Variants in USP47 observed in about 807,000 individuals in gnomAD.
USP47 encodes ubiquitin specific peptidase 47.
Under a neutral mutation model 165.1 loss-of-function variants are expected in USP47, and 35 were observed. That is an observed-to-expected ratio of 0.21 (90% CI 0.16 to 0.28). USP47 has a LOEUF of 0.28. Ranked by LOEUF, USP47 falls within the 10% of genes least tolerant of loss-of-function variation. The probability of loss-of-function intolerance (pLI) is 1.00; values close to 1 mark genes in which losing one functional copy is unlikely to be tolerated. For missense variants in USP47, 1,277 were observed against 1,607.4 expected, an observed-to-expected ratio of 0.79 and a Z score of 3.52; for synonymous variants, 531 against 544.5, an observed-to-expected ratio of 0.98 and a Z score of 0.35.
chr11:11,873,629 T>A (rs1411515123), intron 1 of USP47, among the ~76,000 whole-genome samples: 1 of 152,142 alleles, frequency 6.6e-6, no homozygotes, highest in African/African-American at 2.4e-5. Context: ...TATCATAGAT[T>A]TTTAGTAACT....
At chr11:11,927,360 G>C (rs544474962) in intron 11 of USP47, among the ~76,000 whole-genome samples, 1 of 152,098 alleles carries the variant, frequency 6.6e-6, no homozygotes, top group South Asian at 2.1e-4. Context: ...TGAGCTTCCA[G>C]GTCTGTTGCT....
chr11:11,931,031 G>A (rs1375833786), intron 14 of USP47, among the ~76,000 whole-genome samples: 6 of 152,098 alleles, frequency 3.9e-5, no homozygotes, highest in African/African-American at 1.2e-4. Context: ...CTGATGTAGG[G>A]ACGATAACAT....
chr11:11,856,716 G>C (rs969633709), intron 1 of USP47: 3 of 152,202 alleles, frequency 2.0e-5, no homozygotes, highest in African/African-American at 7.2e-5. Context: ...GATAACTTCT[G>C]ATCTGATTTT....
Position 11,948,490 on chromosome 11 carries a change from C to T in USP47, c.3280C>T (p.Leu1094=), listed in dbSNP as rs775029556. ...TTTTAACTTATAGATTACAATTAGA[C>T]TGGGGAGAGCACTTAAAAAAGGAGA... ...FSDDNKITIR[L]GRALKKGEYR... The change falls in exon 22 of 28, where the codon CTG becomes TTG. Residue 1094 remains leucine (L), a synonymous_variant. Coordinates refer to ENST00000527733, the MANE Select transcript of USP47 (RefSeq NM_001282659.2). 3 of 1,612,246 alleles carry T rather than the reference C, an allele frequency of 1.9e-6. No individual in the cohort carries two copies. In the African/African-American group the frequency reaches 4.0e-5, roughly 22 times the overall value.
In USP47 at chr11:11,918,651, T is replaced by C. The variant is rs1219010997; in HGVS notation, c.970-1505T>C. On this transcript the variant is annotated intron_variant, in intron 8 of 27. Coordinates refer to ENST00000527733, the MANE Select transcript of USP47 (RefSeq NM_001282659.2). ...TAAAAGTTGATGAATATGAGTAAAG[T>C]ATTTGAGAGTTCTCTGTTCTTTAAA... Among the ~76,000 whole-genome samples the C allele has an allele frequency of 2.0e-5, 3 of 152,022 alleles. No homozygotes were observed. In the East Asian group the frequency reaches 5.8e-4, roughly 29 times the overall value.
rs112492948 is a variant in USP47 at position 11,861,490 on chromosome 11, G to A, written c.40-18687G>A. ...AAAATAGGTCAATCATAGTTAAATGGATTGTAAACTATTCTTTTAAAGTTC... is the reference window on the plus strand; with the variant it reads ...AAAATAGGTCAATCATAGTTAAATGAATTGTAAACTATTCTTTTAAAGTTC... On this transcript the variant is annotated intron_variant, in intron 1 of 27. Transcript: ENST00000527733. Among the ~76,000 whole-genome samples the A allele has an allele frequency of 4.9e-3, 741 of 152,284 alleles. 6 individuals are homozygous for A. Among genetic ancestry groups the A allele is most frequent in the African/African-American group, 0.017 (720 of 41,540 alleles).
intron 4 of USP47, among the ~76,000 whole-genome samples, chr11:11,893,365 T>A (rs188607740): frequency 7.4e-4 from 112 of 152,308 alleles, no homozygotes; most frequent in Non-Finnish European, 1.3e-3. Flanking sequence ...CAGGTGATTT[T>A]AAATATTACA....
chr11:11,917,725 A>G (rs1853532376), intron 8 of USP47, among the ~76,000 whole-genome samples: 1 of 152,194 alleles, frequency 6.6e-6, no homozygotes, highest in African/African-American at 2.4e-5. Flanking sequence ...TAAAATTACA[A>G]ACCTTGCTAA....
intron 3 of USP47, among the ~76,000 whole-genome samples, chr11:11,885,804 C>T (rs988475490): frequency 9.9e-5 from 15 of 152,186 alleles, no homozygotes; most frequent in African/African-American, 2.2e-4. Context: ...TGGCTCCCAA[C>T]GGGTTTTCAG....
Position 11,958,161 on chromosome 11 carries a change from T to C in USP47, c.*1986T>C, listed in dbSNP as rs1847291263. ...AGGCAGACTTGTAAACACAATGGGCTTTGGAGTTTGGTCTGATTGGGTTTG... is the reference window on the plus strand; with the variant it reads ...AGGCAGACTTGTAAACACAATGGGCCTTGGAGTTTGGTCTGATTGGGTTTG... On this transcript the variant is annotated 3_prime_UTR_variant, in exon 28 of 28. Coordinates refer to ENST00000527733, the MANE Select transcript of USP47 (RefSeq NM_001282659.2). 6.6e-6 allele frequency: 1 copy of C among 152,178 alleles called. No individual in the cohort carries two copies. Among genetic ancestry groups the C allele is most frequent in the African/African-American group, 2.4e-5 (1 of 41,446 alleles). 9.4% of individuals were successfully genotyped at this position (152,178 alleles called of 1,614,324 possible). A position where few individuals can be genotyped will look rare whatever the true frequency, so the allele number is the denominator to read the frequency against.
Position 11,897,701 on chromosome 11 carries a change from T to C in USP47, c.593+8T>C, listed in dbSNP as rs1460100689. The C allele has an allele frequency of 3.9e-6, 6 of 1,545,276 alleles. No individual in the cohort carries two copies. Among genetic ancestry groups the C allele is most frequent in the Non-Finnish European group, 1.8e-6 (2 of 1,134,892 alleles). ...TAGGAATGCATTATATAAGTGAGTA[T>C]TCAAAAAAATTGTATACATAAAATT... On this transcript the variant is annotated splice_region_variant and intron_variant, in intron 5 of 27. Coordinates refer to ENST00000527733, the MANE Select transcript of USP47 (RefSeq NM_001282659.2).
At chr11:11,884,645 C>G in intron 3 of USP47, 65 bp downstream of exon 3, 1 of 1,050,950 alleles carries the variant, frequency 9.5e-7, no homozygotes, top group Non-Finnish European at 1.4e-6. Context: ...CTTGAGGATG[C>G]AGTTTCCCAA....
chr11:11,886,016 T>A (rs1352675297), intron 3 of USP47, among the ~76,000 whole-genome samples: 5 of 152,198 alleles, frequency 3.3e-5, no homozygotes, highest in Non-Finnish European at 7.3e-5. Flanking sequence ...GTGGCCTGAC[T>A]GTTAAAAGTA....
Position 11,960,011 on chromosome 11 carries a change from A to C in USP47, c.*3836A>C, listed in dbSNP as rs146400416. Among the ~76,000 whole-genome samples, 2 of 151,932 alleles carry C rather than the reference A, an allele frequency of 1.3e-5. No individual in the cohort carries two copies. Among genetic ancestry groups the C allele is most frequent in the African/African-American group, 4.8e-5 (2 of 41,342 alleles). ...GGAGATAAAAATACTCAATGCTTAC[A>C]TTTTTTTCATAACTGTGCCAATTGT... On this transcript the variant is annotated 3_prime_UTR_variant, in exon 28 of 28. Transcript: ENST00000527733.
rs1416096405 is a variant in USP47 at position 11,942,370 on chromosome 11, G to C, written c.2349G>C (p.Gln783His). 6.2e-7 allele frequency: 1 copy of C among 1,610,090 alleles called. No homozygotes were observed. The highest frequency in any genetic ancestry group is 1.1e-5 in the South Asian group (1 of 90,688). Reference sequence around the variant, plus strand: ...AAAGCTCCGAGACTTTGGATTACCAGATGGCCTTTGCAGACTCTCATTTAT... The same window carrying C: ...AAAGCTCCGAGACTTTGGATTACCACATGGCCTTTGCAGACTCTCATTTAT... ...FVESSETLDY[Q>H]MAFADSHLWK... The change falls in exon 20 of 28, where the codon CAG becomes CAC. Residue 783 changes from glutamine (Q) to histidine (H), a missense_variant. Gln to His is a conservative substitution (Grantham distance 24). Coordinates refer to ENST00000527733, the MANE Select transcript of USP47 (RefSeq NM_001282659.2).
chr11:11,859,221 G>T (rs1849236973), intron 1 of USP47, among the ~76,000 whole-genome samples: 1 of 152,166 alleles, frequency 6.6e-6, no homozygotes, highest in South Asian at 2.1e-4. Context: ...GGTACTGATA[G>T]AAGGGAGAGG....
At chr11:11,898,126 CGTGTGTGTGCGTGTGTGT>C (rs74259719) in intron 5 of USP47, among the ~76,000 whole-genome samples, 32,987 of 150,908 alleles carry the variant, frequency 0.22, 4,307 homozygotes, top group Non-Finnish European at 0.29. Context: ...GTTTCATGTG[CGTGTGTGTGCGTGTGTGT>C]GTGTGTGTTT....
chr11:11,876,414 G>A (rs1810270520), intron 1 of USP47, among the ~76,000 whole-genome samples: 2 of 152,164 alleles, frequency 1.3e-5, no homozygotes, highest in Admixed American at 1.3e-4. Context: ...GAACTTGGAT[G>A]TGCTCGAAGG....
chr11:11,848,123 A>T (rs904060572), intron 1 of USP47, among the ~76,000 whole-genome samples: 1 of 152,232 alleles, frequency 6.6e-6, no homozygotes, highest in African/African-American at 2.4e-5. Context: ...TTTAATTTTT[A>T]TCAAAGTTAT....
Sources: allele counts gnomAD v4.1 joint callset (sites outside exome capture counted in the v4.1 genomes callset), GRCh38; gene constraint gnomAD v4.1.1; transcripts MANE v1.5; gene names NCBI Gene and HGNC (gene_info 2026-07-23, HGNC 2026-07-21).